EIF4G3: variants seen among roughly 807,000 people sequenced by gnomAD.
EIF4G3 encodes the protein eukaryotic translation initiation factor 4 gamma 3, also known as eIF-4-gamma 3.
Under a neutral mutation model 186.4 loss-of-function variants are expected in EIF4G3, and 34 were observed. That is an observed-to-expected ratio of 0.18 (90% CI 0.14 to 0.24). The LOEUF (loss-of-function observed/expected upper bound fraction) is 0.24, where lower values mean the gene tolerates loss of function less well. EIF4G3 is among the 10% of genes least tolerant of loss of function. The pLI is 1.00. For missense variants in EIF4G3, 1,536 were observed against 1,948.5 expected (o/e 0.79, Z 3.99); for synonymous variants, 673 against 679.5 (o/e 0.99, Z 0.15).
intron 2 of EIF4G3, among the ~76,000 whole-genome samples, chr1:21,124,987 T>C (rs2097001281): frequency 6.6e-6 from 1 of 152,216 alleles, no homozygotes; most frequent in African/African-American, 2.4e-5. Flanking sequence ...CATCCAGGTT[T>C]AGAAATAAGT....
In EIF4G3 at chr1:20,886,384, T is replaced by C; in HGVS notation, c.2254-13A>G. 1 of 1,611,296 alleles carries C rather than the reference T, an allele frequency of 6.2e-7. No homozygotes were observed. The highest frequency in any genetic ancestry group is 8.5e-7 in the Non-Finnish European group (1 of 1,178,934). On this transcript the variant is annotated splice_polypyrimidine_tract_variant and intron_variant, in intron 18 of 36. Coordinates refer to ENST00000602326, the MANE Select transcript of EIF4G3 (RefSeq NM_001391906.1). ...CAACATTCAACAACTAGGACAAGAATATTACAGCTATTCAGAGTACTTACA... is the reference window on the plus strand; with the variant it reads ...CAACATTCAACAACTAGGACAAGAACATTACAGCTATTCAGAGTACTTACA...
intron 14 of EIF4G3, among the ~76,000 whole-genome samples, chr1:20,912,501 T>C (rs994324742): frequency 1.3e-5 from 2 of 152,180 alleles, no homozygotes; most frequent in Non-Finnish European, 2.9e-5. Flanking sequence ...TTGAAATTAA[T>C]GTGTCCAGAG....
At chr1:20,883,371 C>T (rs779217852) in intron 19 of EIF4G3, among the ~76,000 whole-genome samples, 1 of 152,084 alleles carries the variant, frequency 6.6e-6, no homozygotes, top group Non-Finnish European at 1.5e-5. Flanking sequence ...GTAATCCCCG[C>T]ACTTTGGGAG....
chr1:21,089,277 C>A, intron 2 of EIF4G3, 64 bp from the exon 3 acceptor site: 1 of 703,554 alleles, frequency 1.4e-6, no homozygotes, highest in Non-Finnish European at 2.6e-6. Flanking sequence ...GAGAAAATTG[C>A]AACCACAAAA....
At chr1:20,966,514 C>T (rs1197287937) in intron 12 of EIF4G3, among the ~76,000 whole-genome samples, 1 of 150,458 alleles carries the variant, frequency 6.6e-6, no homozygotes, top group Non-Finnish European at 1.5e-5. Context: ...CTCTCTGTTG[C>T]CCAGGCTGGA....
chr1:20,941,634 A>G lies in EIF4G3; in HGVS notation c.1520T>C (p.Val507Ala). The G allele has an allele frequency of 6.2e-7, 1 of 1,613,790 alleles. No homozygotes were observed. Among genetic ancestry groups the G allele is most frequent in the Non-Finnish European group, 8.5e-7 (1 of 1,179,972 alleles). Residue 507 changes from valine to alanine, a missense_variant, in exon 14 of 37, where the codon GTC becomes GCC. Physicochemically the swap from Val to Ala is moderately conservative, Grantham distance 64 (BLOSUM62 0). Coordinates refer to ENST00000602326, the MANE Select transcript of EIF4G3 (RefSeq NM_001391906.1). Reference sequence around the variant, plus strand: ...TCTTATGCTCTCGTCCTCCTCTAGGACTCTCTGGACTGTGATGGCAGCACT... The same window carrying G: ...TCTTATGCTCTCGTCCTCCTCTAGGGCTCTCTGGACTGTGATGGCAGCACT... ...SPSAAITVQR[V>A]LEEDESIRTC...
At chr1:20,891,300 A>G (rs552238240) in intron 18 of EIF4G3, among the ~76,000 whole-genome samples, 3 of 152,238 alleles carry the variant, frequency 2.0e-5, no homozygotes, top group African/African-American at 4.8e-5. Flanking sequence ...TGTGAGTCAC[A>G]TATCAACAAC....
At chr1:20,989,804 C>T (rs2080640714) in intron 7 of EIF4G3, among the ~76,000 whole-genome samples, 1 of 152,116 alleles carries the variant, frequency 6.6e-6, no homozygotes, top group Non-Finnish European at 1.5e-5. Context: ...AGATTGACTC[C>T]AATGATAAAA....
rs202162029 is a variant in EIF4G3, at chr1:21,003,006, A to T, written c.-66-198T>A. ...CTTTTCTTTCTTTTTTTTTTTTTTT[A>T]AATTAATGAACTGGGGTCTTGCTCT... On this transcript the variant is annotated intron_variant, in intron 4 of 36. Coordinates refer to ENST00000602326, the MANE Select transcript of EIF4G3 (RefSeq NM_001391906.1). Among the ~76,000 whole-genome samples, 787 of 113,650 alleles carry T rather than the reference A, an allele frequency of 6.9e-3. 8 individuals carry two copies. Among genetic ancestry groups the T allele is most frequent in the African/African-American group, 0.022 (730 of 32,748 alleles). The allele number at this position is 113,650 out of a possible 152,430, so 74.6% of individuals were successfully genotyped here.
chr1:21,121,996 C>T lies in EIF4G3; in HGVS notation c.-271-32783G>A, dbSNP rs1182217531. ...CCATTTTACAGATTAGGAAGCTAAG[C>T]AACAAAGAGGTTAGGTGGTTTTCCC... On this transcript the variant is annotated intron_variant, in intron 2 of 36. Transcript: ENST00000602326. 5.3e-5 allele frequency among the ~76,000 whole-genome samples: 8 copies of T among 152,122 alleles called. No individual in the cohort carries two copies. In the South Asian group the frequency reaches 1.5e-3, roughly 28 times the overall value.
intron 2 of EIF4G3, among the ~76,000 whole-genome samples, chr1:21,131,253 A>T: frequency 6.6e-6 from 1 of 151,608 alleles, no homozygotes. Flanking sequence ...AAAAAAAAAA[A>T]AAATCAACGA....
chr1:20,996,818 T>C (rs2082390610), intron 7 of EIF4G3, among the ~76,000 whole-genome samples: 1 of 152,122 alleles, frequency 6.6e-6, no homozygotes. Context: ...GTAAAGCTTG[T>C]AATATGAACA....
intron 29 of EIF4G3, among the ~76,000 whole-genome samples, chr1:20,845,020 G>A (rs1274633730): frequency 6.6e-6 from 1 of 152,062 alleles, no homozygotes; most frequent in Non-Finnish European, 1.5e-5. Flanking sequence ...ACTGTTTTTG[G>A]CATCTTCATC....
chr1:21,118,272 T>C (rs145397688), intron 2 of EIF4G3, among the ~76,000 whole-genome samples: 87 of 152,270 alleles, frequency 5.7e-4, no homozygotes, highest in African/African-American at 2.0e-3. Context: ...TACAACACTT[T>C]GAAAATAGTA....
At chr1:20,845,486 C>T (rs967864722) in intron 29 of EIF4G3, among the ~76,000 whole-genome samples, 1 of 152,136 alleles carries the variant, frequency 6.6e-6, no homozygotes. Flanking sequence ...CACCGTGAAA[C>T]CCCGTTTCTA....
chr1:21,088,083 G>A (rs1031175150), intron 3 of EIF4G3, among the ~76,000 whole-genome samples: 5 of 151,750 alleles, frequency 3.3e-5, no homozygotes, highest in Admixed American at 1.3e-4. Flanking sequence ...GTGACAGAGT[G>A]AGACCCGATC....
At chr1:21,125,149 T>A in intron 2 of EIF4G3, among the ~76,000 whole-genome samples, 1 of 152,208 alleles carries the variant, frequency 6.6e-6, no homozygotes, top group Non-Finnish European at 1.5e-5. Context: ...AATAACTTTG[T>A]ATCCAGTACA....
chr1:20,948,879 C>T (rs1247283697), intron 13 of EIF4G3, among the ~76,000 whole-genome samples: 1 of 146,632 alleles, frequency 6.8e-6, no homozygotes, highest in Non-Finnish European at 1.5e-5. Flanking sequence ...CATGGTGGTG[C>T]ATGCCTGTAA....
Position 20,942,336 on chromosome 1 carries a change from G to A in EIF4G3, c.824-6C>T, listed in dbSNP as rs768148051. The A allele has an allele frequency of 2.6e-6, 4 of 1,524,838 alleles. No homozygotes were observed. The highest frequency in any genetic ancestry group is 2.6e-5 in the South Asian group (2 of 77,140). The allele number at this position is 1,524,838 out of a possible 1,614,324, so 94.5% of individuals were successfully genotyped here. On this transcript the variant is annotated splice_polypyrimidine_tract_variant and splice_region_variant and intron_variant, in intron 13 of 36. Transcript: ENST00000602326. ...ATCTGGTTTTGGCTTCTCCTCTGGG[G>A]AAAAAAAAATAAGTTTTAAGAATAA...
Sources: gnomAD v4.1 joint callset for allele counts (sites outside exome capture counted in the v4.1 genomes callset) on GRCh38, gnomAD v4.1.1 for gene constraint, MANE v1.5 for transcripts, NCBI Gene and HGNC (gene_info 2026-07-23, HGNC 2026-07-21) for gene names.